The following SLCO6A1 variants were observed in gnomAD, a reference collection of about 807,000 sequenced individuals.
The protein encoded by SLCO6A1 is cancer/testis antigen 48.
In SLCO6A1, 65 loss-of-function variants were observed where a neutral mutation model predicts 72.7. The observed-to-expected ratio is 0.89, with a 90% confidence interval of 0.73 to 1.10. SLCO6A1 has a LOEUF of 1.10. SLCO6A1 is among the 50% of genes least tolerant of loss of function. SLCO6A1 has a pLI of 0.00. For missense variants in SLCO6A1, 874 were observed against 872.6 expected, an observed-to-expected ratio of 1.00 and a Z score of -0.02; for synonymous variants, 314 against 298.2, an observed-to-expected ratio of 1.05 and a Z score of -0.55.
chr5:102,475,129 T>G (rs1032016761), intron 4 of SLCO6A1, among the ~76,000 whole-genome samples: 1 of 152,102 alleles, frequency 6.6e-6, no homozygotes, highest in Non-Finnish European at 1.5e-5. Context: ...GTGGGATATT[T>G]GTACACCTGT....
intron 1 of SLCO6A1, among the ~76,000 whole-genome samples, chr5:102,492,505 G>A (rs368582220): frequency 1.2e-4 from 18 of 152,128 alleles, no homozygotes; most frequent in African/African-American, 1.7e-4. Context: ...CTGAGGTACC[G>A]GGTTCATCTC....
intron 12 of SLCO6A1, among the ~76,000 whole-genome samples, chr5:102,375,531 A>G (rs1038838955): frequency 1.2e-4 from 19 of 152,184 alleles, no homozygotes; most frequent in African/African-American, 4.3e-4. Context: ...AAAGCCAGGA[A>G]ATACTATTTC....
At chr5:102,453,250 T>G (rs1252737066) in intron 6 of SLCO6A1, among the ~76,000 whole-genome samples, 1 of 151,534 alleles carries the variant, frequency 6.6e-6, no homozygotes, top group Non-Finnish European at 1.5e-5. Flanking sequence ...TCCCAGCTAC[T>G]CAGGGGGGCT....
At chr5:102,448,629 C>T (rs1046844528) in intron 6 of SLCO6A1, among the ~76,000 whole-genome samples, 3 of 152,006 alleles carry the variant, frequency 2.0e-5, no homozygotes, top group Non-Finnish European at 2.9e-5. Flanking sequence ...ATAATGCCCC[C>T]CTTTGTCCTT....
chr5:102,436,501 T>C (rs1580424556), intron 7 of SLCO6A1, among the ~76,000 whole-genome samples: 1 of 152,344 alleles, frequency 6.6e-6, no homozygotes, highest in East Asian at 1.9e-4. Context: ...ACTCTGGGTA[T>C]CAGAGATGGT....
rs375924953 is a variant in SLCO6A1 at position 102,373,312 on chromosome 5, T to C, written c.*15+25A>G. 8 of 1,413,826 alleles carry C rather than the reference T, an allele frequency of 5.7e-6. 1 individual carries two copies. In the South Asian group the frequency reaches 7.0e-5, roughly 12 times the overall value. The allele number at this position is 1,413,826 out of a possible 1,614,324, so 87.6% of individuals were successfully genotyped here. A position where few individuals can be genotyped will look rare whatever the true frequency, so the allele number is the denominator to read the frequency against. ...TTTATTAATATTAATATTTCATTGA[T>C]AGATTGACAATGTGTAATTCTTACA... On this transcript the variant is annotated intron_variant, in intron 13 of 13. Coordinates refer to ENST00000506729, the MANE Select transcript of SLCO6A1 (RefSeq NM_173488.5).
At position 102,419,856 on chromosome 5, in the gene SLCO6A1, TG is replaced by T. The variant is rs1748490593; in HGVS notation, c.1441del (p.Gln481AsnfsTer74). ...FIIFVRCNPV[Q>X]FAGINEDYDG... ...ATAATCTTCATTGATCCCAGCAAAT[TG>T]CACTGGATTACAGCGTACAAAAATA... On this transcript the variant is annotated frameshift_variant, in exon 8 of 14. Coordinates refer to ENST00000506729, the MANE Select transcript of SLCO6A1 (RefSeq NM_173488.5). LOFTEE classifies it high-confidence loss of function. 4.4e-6 allele frequency: 7 copies of T among 1,600,380 alleles called. No homozygotes were observed. The highest frequency in any genetic ancestry group is 6.0e-6 in the Non-Finnish European group (7 of 1,176,342).
intron 10 of SLCO6A1, among the ~76,000 whole-genome samples, chr5:102,395,373 T>C (rs1027461446): frequency 2.0e-5 from 3 of 152,138 alleles, no homozygotes; most frequent in African/African-American, 7.2e-5. Flanking sequence ...CATGAACTCA[T>C]CCTTTTTTAT....
chr5:102,422,625 T>C (rs1748669845), intron 7 of SLCO6A1, among the ~76,000 whole-genome samples: 1 of 152,102 alleles, frequency 6.6e-6, no homozygotes, highest in South Asian at 2.1e-4. Flanking sequence ...TGGGACTCTA[T>C]GAAAAGACCA....
At chr5:102,445,247 T>C (rs1204887959) in intron 6 of SLCO6A1, among the ~76,000 whole-genome samples, 1 of 152,216 alleles carries the variant, frequency 6.6e-6, no homozygotes, top group Non-Finnish European at 1.5e-5. Context: ...TTTTCCACTT[T>C]TTAAAATAGC....
intron 12 of SLCO6A1, among the ~76,000 whole-genome samples, chr5:102,380,726 G>A (rs1746058283): frequency 6.6e-6 from 1 of 151,936 alleles, no homozygotes; most frequent in Non-Finnish European, 1.5e-5. Flanking sequence ...TGTGACTAAG[G>A]AACTAAATTT....
Position 102,480,258 on chromosome 5 carries a change from A to G in SLCO6A1, c.535T>C (p.Phe179Leu), listed in dbSNP as rs762374380. 1.2e-6 allele frequency: 2 copies of G among 1,613,204 alleles called. No homozygotes were observed. The highest frequency in any genetic ancestry group is 2.7e-5 in the African/African-American group (2 of 74,900). The change falls in exon 2 of 14, where the codon TTT becomes CTT. Residue 179 changes from phenylalanine to leucine, a missense_variant. Physicochemically the swap from Phe to Leu is conservative, Grantham distance 22 (BLOSUM62 0). Coordinates refer to ENST00000506729, the MANE Select transcript of SLCO6A1 (RefSeq NM_173488.5). ...KKVIWFVASS[F>L]LIGLGSLLCA... ...AAAAGTGATCCAAGTCCTATTAAAA[A>G]GGAGGAAGCTACAAACCATATTACT...
intron 1 of SLCO6A1, among the ~76,000 whole-genome samples, chr5:102,489,857 C>T (rs541704201): frequency 1.3e-5 from 2 of 152,208 alleles, no homozygotes; most frequent in South Asian, 2.1e-4. Flanking sequence ...TGTCCATTGA[C>T]AGATGAATGG....
chr5:102,458,017 T>A (rs1399723702), intron 6 of SLCO6A1, among the ~76,000 whole-genome samples: 1 of 151,644 alleles, frequency 6.6e-6, no homozygotes, highest in East Asian at 1.9e-4. Flanking sequence ...AACCAAACAC[T>A]GCACGTTCTC....
intron 6 of SLCO6A1, among the ~76,000 whole-genome samples, chr5:102,455,027 T>TATATATACATAA (rs144619414): frequency 0.017 from 2,404 of 141,780 alleles, 46 homozygotes; most frequent in African/African-American, 0.023. Flanking sequence ...TATATATATA[T>TATATATACATAA]AAATTATGTT....
chr5:102,451,987 T>C (rs1448511908), intron 6 of SLCO6A1, among the ~76,000 whole-genome samples: 1 of 152,254 alleles, frequency 6.6e-6, no homozygotes, highest in African/African-American at 2.4e-5. Flanking sequence ...TTGTTTTAAC[T>C]ACCAATAGGA....
intron 4 of SLCO6A1, among the ~76,000 whole-genome samples, chr5:102,471,710 A>G (rs564961816): frequency 6.6e-6 from 1 of 152,156 alleles, no homozygotes; most frequent in Non-Finnish European, 1.5e-5. Context: ...CTGGAACCCT[A>G]TTGCTACTTC....
At chr5:102,481,741 T>C (rs571069010) in intron 1 of SLCO6A1, among the ~76,000 whole-genome samples, 139 of 152,318 alleles carry the variant, frequency 9.1e-4, no homozygotes, top group African/African-American at 3.0e-3. Context: ...AGAAATGCTG[T>C]TACACTTTCT....
chr5:102,377,204 A>T (rs991775474), intron 12 of SLCO6A1, among the ~76,000 whole-genome samples: 2 of 152,118 alleles, frequency 1.3e-5, no homozygotes, highest in African/African-American at 2.4e-5. Flanking sequence ...TAATAACCAA[A>T]CACTGTAAAC....
Sources: gnomAD v4.1 joint callset for allele counts (sites outside exome capture counted in the v4.1 genomes callset) on GRCh38, gnomAD v4.1.1 for gene constraint, MANE v1.5 for transcripts, NCBI Gene and HGNC (gene_info 2026-07-23, HGNC 2026-07-21) for gene names.